EXTL3: variants seen among roughly 807,000 people sequenced by gnomAD.
EXTL3 encodes exostosin like glycosyltransferase 3.
A neutral mutation model predicts 69.3 loss-of-function variants in EXTL3; 27 were observed. The observed-to-expected ratio is 0.39, with a 90% CI of 0.29 to 0.54. The LOEUF (loss-of-function observed/expected upper bound fraction) is 0.54, where lower values mean the gene tolerates loss of function less well. Ranked by LOEUF, EXTL3 falls within the 20% of genes least tolerant of loss-of-function variation. The pLI is 0.69. For missense variants in EXTL3, 1,003 were observed against 1,231.8 expected (o/e 0.81, Z 2.78); for synonymous variants, 511 against 499.4 (o/e 1.02, Z -0.31).
At chr8:28,713,998 C>G (rs190788921) in intron 2 of EXTL3, among the ~76,000 whole-genome samples, 5 of 151,208 alleles carry the variant, frequency 3.3e-5, no homozygotes, top group African/African-American at 1.2e-4. Context: ...CCTCCACCTC[C>G]CGGGTTCAGG....
intron 1 of EXTL3, among the ~76,000 whole-genome samples, chr8:28,682,522 AACC>A (rs1807506278): frequency 6.6e-6 from 1 of 152,032 alleles, no homozygotes; most frequent in South Asian, 2.1e-4. Context: ...GGCTCACTGC[AACC>A]ACTGCTTCCC....
At chr8:28,685,706 C>T (rs1807565518) in intron 1 of EXTL3, among the ~76,000 whole-genome samples, 1 of 151,920 alleles carries the variant, frequency 6.6e-6, no homozygotes, top group South Asian at 2.1e-4. Context: ...GTTTTTTGTA[C>T]ATTTGAAATT....
At chr8:28,663,703 C>A (rs1807151268) in intron 1 of EXTL3, among the ~76,000 whole-genome samples, 1 of 152,160 alleles carries the variant, frequency 6.6e-6, no homozygotes, top group Non-Finnish European at 1.5e-5. Context: ...CCGCCCACCT[C>A]AGCCTCCCAA....
At chr8:28,644,563 G>A (rs975140680) in intron 1 of EXTL3, among the ~76,000 whole-genome samples, 1 of 152,164 alleles carries the variant, frequency 6.6e-6, no homozygotes, top group African/African-American at 2.4e-5. Flanking sequence ...GCCAGGCACA[G>A]TGGTTCACGC....
At chr8:28,644,425 G>A (rs1010866435) in intron 1 of EXTL3, among the ~76,000 whole-genome samples, 8 of 152,088 alleles carry the variant, frequency 5.3e-5, no homozygotes, top group African/African-American at 1.9e-4. Context: ...TTGGCCCAGT[G>A]CGGTGGCTCA....
At chr8:28,621,006 T>C (rs1305120833), upstream of EXTL3, among the ~76,000 whole-genome samples, 1 of 152,232 alleles carries the variant, frequency 6.6e-6, no homozygotes, top group Non-Finnish European at 1.5e-5. Context: ...TGAGCCACAG[T>C]GCCCATTGTT....
At chr8:28,734,035 C>T (rs1003741857) in intron 4 of EXTL3, among the ~76,000 whole-genome samples, 1 of 151,140 alleles carries the variant, frequency 6.6e-6, no homozygotes, top group Non-Finnish European at 1.5e-5. Context: ...TCAGGCTGGT[C>T]TCGAACTCCT....
At chr8:28,682,311 C>A (rs1807503028) in intron 1 of EXTL3, among the ~76,000 whole-genome samples, 1 of 152,132 alleles carries the variant, frequency 6.6e-6, no homozygotes, top group Non-Finnish European at 1.5e-5. Context: ...AGTTTCCTTG[C>A]TGTTGAGTTG....
chr8:28,663,954 T>C (rs164662), intron 1 of EXTL3, among the ~76,000 whole-genome samples: 30,264 of 152,068 alleles, frequency 0.2, 4,392 homozygotes, highest in African/African-American at 0.41. Context: ...GTGAATAGAC[T>C]CCTGGGAAAA....
chr8:28,682,352 T>C (rs1168561035), intron 1 of EXTL3, among the ~76,000 whole-genome samples: 1 of 152,242 alleles, frequency 6.6e-6, no homozygotes, highest in Non-Finnish European at 1.5e-5. Flanking sequence ...ATTAACCCCT[T>C]ATCAGATGTA....
At chr8:28,663,819 C>A (rs1464841440) in intron 1 of EXTL3, among the ~76,000 whole-genome samples, 1 of 152,164 alleles carries the variant, frequency 6.6e-6, no homozygotes, top group Non-Finnish European at 1.5e-5. Context: ...CAAACCTCCC[C>A]TCAGCAAGAC....
In EXTL3 at chr8:28,657,881, A is replaced by T. The variant is rs144309343; in HGVS notation, c.-53+35071A>T. Among the ~76,000 whole-genome samples the T allele has an allele frequency of 2.9e-3, 446 of 151,934 alleles. 3 individuals carry two copies. Among genetic ancestry groups the T allele is most frequent in the Non-Finnish European group, 4.2e-3 (283 of 67,932 alleles). On this transcript the variant is annotated intron_variant, in intron 1 of 6. Coordinates refer to the EXTL3 transcript ENST00000523149. Reference sequence around the variant, plus strand: ...TGGGCTCTTTGACCTCCTGGGCTTCACTCCTCCCTTAATAGAGGTTTACTT... The same window carrying T: ...TGGGCTCTTTGACCTCCTGGGCTTCTCTCCTCCCTTAATAGAGGTTTACTT...
At chr8:28,726,101 G>A (rs939827859) in intron 3 of EXTL3, among the ~76,000 whole-genome samples, 2 of 151,898 alleles carry the variant, frequency 1.3e-5, no homozygotes, top group Admixed American at 6.6e-5. Context: ...GATTACAGGC[G>A]CACACCACCA....
intron 2 of EXTL3, among the ~76,000 whole-genome samples, chr8:28,609,190 T>C (rs1325152632): frequency 2.0e-5 from 3 of 152,100 alleles, no homozygotes; most frequent in Admixed American, 6.5e-5. Context: ...GTGGGTACAG[T>C]TGAGTTAGAG....
In EXTL3 at chr8:28,612,461, C is replaced by T. The variant is rs372525939; in HGVS notation, n.314+4703C>T. ...TGGGTGACGGAGCGAGACTCCATCTCTTAAAAAAAAAAAAAAGAAAAAAGA... is the reference window on the plus strand; with the variant it reads ...TGGGTGACGGAGCGAGACTCCATCTTTTAAAAAAAAAAAAAAGAAAAAAGA... On this transcript the variant is annotated intron_variant and non_coding_transcript_variant, in intron 2 of 4. Coordinates refer to the EXTL3 transcript ENST00000522725. Among the ~76,000 whole-genome samples the T allele has an allele frequency of 2.1e-4, 29 of 137,170 alleles. No individual in the cohort carries two copies. The South Asian group carries it at 6.3e-3, about 30-fold the overall frequency. The allele number at this position is 137,170 out of a possible 152,430, so 90.0% of individuals were successfully genotyped here. A position where few individuals can be genotyped will look rare whatever the true frequency, so the allele number is the denominator to read the frequency against.
At chr8:28,663,103 G>C (rs1352044045) in intron 1 of EXTL3, among the ~76,000 whole-genome samples, 1 of 152,188 alleles carries the variant, frequency 6.6e-6, no homozygotes, top group Non-Finnish European at 1.5e-5. Context: ...AATTCAATGA[G>C]ATCTCCTTAG....
intron 6 of EXTL3, among the ~76,000 whole-genome samples, chr8:28,746,289 A>G (rs1479477293): frequency 6.6e-6 from 1 of 152,178 alleles, no homozygotes; most frequent in African/African-American, 2.4e-5. Context: ...ATAATGTACT[A>G]CTTTTGCAAG....
intron 1 of EXTL3, chr8:28,686,072 T>C (rs1020781688): frequency 6.6e-6 from 1 of 152,066 alleles, no homozygotes; most frequent in African/African-American, 2.4e-5. Context: ...CACCATGTTT[T>C]TCAGGTTGGT....
intron 1 of EXTL3, among the ~76,000 whole-genome samples, chr8:28,656,224 C>T (rs943081778): frequency 1.3e-5 from 2 of 151,984 alleles, no homozygotes; most frequent in Admixed American, 1.3e-4. Flanking sequence ...GTCTGGGGTG[C>T]AGTGGCATGA....
Sources: allele counts gnomAD v4.1 joint callset (sites outside exome capture counted in the v4.1 genomes callset), GRCh38; gene constraint gnomAD v4.1.1; transcripts MANE v1.5; gene names NCBI Gene and HGNC (gene_info 2026-07-23, HGNC 2026-07-21).